SYTL2: variants seen among roughly 807,000 people sequenced by gnomAD.
SYTL2 encodes synaptotagmin-like protein 2.
Under a neutral mutation model 198.7 loss-of-function variants are expected in SYTL2, and 165 were observed. That is an observed-to-expected ratio of 0.83 (90% CI 0.73 to 0.94). The LOEUF (loss-of-function observed/expected upper bound fraction) is 0.94, where lower values mean the gene tolerates loss of function less well. Ranked by LOEUF, SYTL2 falls within the 40% of genes least tolerant of loss-of-function variation. The pLI is 0.00. For synonymous variants in SYTL2, 966 were observed against 917.7 expected (o/e 1.05, Z -0.95); for missense variants, 2,835 against 2,582.8 (o/e 1.10, Z -2.12).
chr11:85,697,489 G>T (rs1447973323), intron 18 of SYTL2, among the ~76,000 whole-genome samples: 1 of 152,148 alleles, frequency 6.6e-6, no homozygotes, highest in African/African-American at 2.4e-5. Flanking sequence ...ACAGAGAGAA[G>T]AGTTTGCCAC....
intron 1 of SYTL2, among the ~76,000 whole-genome samples, chr11:85,797,711 A>C (rs1406376920): frequency 6.6e-6 from 1 of 151,946 alleles, no homozygotes; most frequent in African/African-American, 2.4e-5. Context: ...AGCCTATGTG[A>C]TCTAATAAAA....
chr11:85,789,205 T>C (rs1301683615), intron 1 of SYTL2, among the ~76,000 whole-genome samples: 2 of 149,372 alleles, frequency 1.3e-5, no homozygotes, highest in Non-Finnish European at 3.0e-5. Flanking sequence ...CAAGCAATCC[T>C]CCCATCTCAG....
At chr11:85,851,539 T>C in the SYTL2 span, among the ~76,000 whole-genome samples, 15 of 152,246 alleles carry the variant, frequency 9.9e-5, no homozygotes, top group Non-Finnish European at 1.9e-4. Flanking sequence ...TACGTCTATT[T>C]CTACATCATT....
chr11:85,801,951 A>ATGC (rs1451654266), intron 1 of SYTL2, among the ~76,000 whole-genome samples: 1 of 151,420 alleles, frequency 6.6e-6, no homozygotes, highest in Non-Finnish European at 1.5e-5. Flanking sequence ...AGTAGCTGGG[A>ATGC]TTACAGGCAC....
At chr11:85,853,106 C>A in the SYTL2 span, 1 of 293,198 alleles carries the variant, frequency 3.4e-6, no homozygotes, top group South Asian at 2.5e-5. Context: ...GCCCGGCCGC[C>A]CCTTCTGGGA....
chr11:85,781,169 A>G (rs2092553710), intron 1 of SYTL2, among the ~76,000 whole-genome samples: 1 of 152,222 alleles, frequency 6.6e-6, no homozygotes, highest in Non-Finnish European at 1.5e-5. Context: ...GGGAGGCCTC[A>G]GGAAACTTAC....
At position 85,727,844 on chromosome 11, in the gene SYTL2, C is replaced by G; in HGVS notation, c.1514G>C (p.Gly505Ala). 2.5e-6 allele frequency: 4 copies of G among 1,612,018 alleles called. No individual in the cohort carries two copies. Among genetic ancestry groups the G allele is most frequent in the Non-Finnish European group, 3.4e-6 (4 of 1,179,194 alleles). The change falls in exon 8 of 20, where the codon GGT (glycine) becomes GCT (alanine). Residue 505 changes from glycine (G) to alanine (A), a missense_variant. Gly to Ala is a moderately conservative substitution (Grantham distance 60). Around this residue, in one of 3 missense-constraint regions of SYTL2, gnomAD observed 2,645 missense variants for 2,381.7 expected, o/e 1.11. Coordinates refer to ENST00000359152, the MANE Select transcript of SYTL2 (RefSeq NM_206927.4). ...ALKAKTSSRS[G>A]PYATEIKKST... ...CTTCTTTATCTCAGTGGCATATGGA[C>G]CAGAACGTGAAGATGTCTTAGCTTT...
the SYTL2 span, chr11:85,853,055 C>T: frequency 1.5e-4 from 45 of 294,922 alleles, no homozygotes; most frequent in African/African-American, 9.4e-4. Context: ...GGAGCGCCTC[C>T]GCCCGGCCGC....
chr11:85,852,959 A>C, the SYTL2 span: 2 of 300,608 alleles, frequency 6.7e-6, no homozygotes, highest in African/African-American at 2.6e-5. Context: ...CCCGTCTGAG[A>C]AGTGAGGAGC....
chr11:85,789,811 A>G (rs968356533), intron 1 of SYTL2, among the ~76,000 whole-genome samples: 1 of 152,116 alleles, frequency 6.6e-6, no homozygotes, highest in African/African-American at 2.4e-5. Context: ...CTGTAATATT[A>G]TATGCTTGCT....
Position 85,724,213 on chromosome 11 carries a change from A to G in SYTL2, c.5145T>C (p.Asn1715=). 1 of 1,585,746 alleles carries G rather than the reference A, an allele frequency of 6.3e-7. No homozygotes were observed. Among genetic ancestry groups the G allele is most frequent in the Non-Finnish European group, 8.5e-7 (1 of 1,171,702 alleles). The change falls in exon 8 of 20, where the codon AAT becomes AAC. Residue 1715 remains asparagine, a synonymous_variant. Coordinates refer to ENST00000359152, the MANE Select transcript of SYTL2 (RefSeq NM_206927.4). The part of the protein sequence containing the change: ...EASEAISVSR[N]RQPIPLLMNK... ...TCATCAGGAGAGGAATGGGTTGCCT[A>G]TTTCTGGACACACTAATTGCTTCAG...
At chr11:85,822,645 G>A in the SYTL2 span, among the ~76,000 whole-genome samples, 1 of 152,304 alleles carries the variant, frequency 6.6e-6, no homozygotes, top group East Asian at 1.9e-4. Flanking sequence ...CTATAGCTGT[G>A]CTCAGATTGG....
chr11:85,843,572 G>T, the SYTL2 span, among the ~76,000 whole-genome samples: 1 of 152,042 alleles, frequency 6.6e-6, no homozygotes, highest in East Asian at 1.9e-4. Flanking sequence ...GTGTGTGCAG[G>T]CTTGGAGCTG....
chr11:85,738,573 C>T (rs538513026), intron 4 of SYTL2, among the ~76,000 whole-genome samples: 131 of 152,100 alleles, frequency 8.6e-4, no homozygotes, highest in Non-Finnish European at 1.6e-3. Context: ...TATCTAGAAA[C>T]AGTGAAAAAA....
In SYTL2 at chr11:85,696,217, T is replaced by C. The variant is rs1233152643; in HGVS notation, c.6540A>G (p.Gln2180=). The change falls in exon 19 of 20, where the codon CAA becomes CAG. Residue 2180 remains glutamine, a synonymous_variant. Coordinates refer to ENST00000359152, the MANE Select transcript of SYTL2 (RefSeq NM_206927.4). ...TVWDHYKLTN[Q]FLGGLRIGFG... The stretch of plus-strand genomic sequence containing the variant: ...AGCCAATACGAAGACCTCCCAAAAA[T>C]TGGTTGGTTAATTTGTAATGGTCCC... The C allele has an allele frequency of 3.1e-6, 5 of 1,614,012 alleles. No individual in the cohort carries two copies. Among genetic ancestry groups the C allele is most frequent in the Non-Finnish European group, 3.4e-6 (4 of 1,179,966 alleles).
intron 18 of SYTL2, among the ~76,000 whole-genome samples, chr11:85,697,770 T>C (rs549819241): frequency 6.6e-6 from 1 of 152,310 alleles, no homozygotes; most frequent in South Asian, 2.1e-4. Context: ...GGTCTCTAGT[T>C]TCATTTGACC....
rs970394829 is a variant in SYTL2 at position 85,757,912 on chromosome 11, T to C, written c.-187A>G. On this transcript the variant is annotated 5_prime_UTR_variant, in exon 2 of 20. Transcript: ENST00000359152. ...GCTGATAGCAAGATCCTAAGTGCTC[T>C]TTCCCATGAGGAAGTCCTGGTCTGT... The C allele has an allele frequency of 2.0e-5, 14 of 697,338 alleles. No individual in the cohort carries two copies. Among genetic ancestry groups the C allele is most frequent in the South Asian group, 1.3e-4 (7 of 53,122 alleles). 43.2% of individuals were successfully genotyped at this position (697,338 alleles called of 1,614,324 possible).
chr11:85,778,903 G>C (rs2092507247), intron 1 of SYTL2, among the ~76,000 whole-genome samples: 1 of 152,152 alleles, frequency 6.6e-6, no homozygotes, highest in African/African-American at 2.4e-5. Flanking sequence ...GCTTGAGACT[G>C]GGAGGCAGAG....
chr11:85,727,300 G>A lies in SYTL2; in HGVS notation c.2058C>T (p.Asn686=). The change falls in exon 8 of 20, where the codon AAC becomes AAT. Residue 686 remains asparagine, a synonymous_variant. Transcript: ENST00000359152. The stretch of plus-strand genomic sequence containing the variant: ...CACCCAAGTTGCCAATATTATTAGT[G>A]TTGCATGGAACTTGGTTTTCTGCAT... The part of the protein sequence containing the change: ...ESDAENQVPC[N]TNNIGNLGEE... 1.3e-6 allele frequency: 2 copies of A among 1,535,638 alleles called. No individual in the cohort carries two copies. The highest frequency in any genetic ancestry group is 1.2e-5 in the South Asian group (1 of 83,910).
Sources: allele counts gnomAD v4.1 joint callset (sites outside exome capture counted in the v4.1 genomes callset), GRCh38; gene constraint gnomAD v4.1.1; regional missense constraint gnomAD v4.1.1; transcripts MANE v1.5; gene names NCBI Gene and HGNC (gene_info 2026-07-23, HGNC 2026-07-21).